The following EVI5 variants were observed in gnomAD, a reference collection of about 807,000 sequenced individuals.
The protein encoded by EVI5 is ecotropic viral integration site 5 protein homolog.
A neutral mutation model predicts 112.0 loss-of-function variants in EVI5; 73 were observed. The ratio of observed to expected loss-of-function variants is 0.65; its 90% confidence interval spans 0.54 to 0.79. The LOEUF (loss-of-function observed/expected upper bound fraction) is 0.79, where lower values mean the gene tolerates loss of function less well. EVI5 is among the 30% of genes least tolerant of loss of function. The pLI, the probability that EVI5 is intolerant of heterozygous loss-of-function variation, is 0.00. For synonymous variants in EVI5, 305 were observed against 319.9 expected, an observed-to-expected ratio of 0.95 and a Z score of 0.50; for missense variants, 900 against 968.8, an observed-to-expected ratio of 0.93 and a Z score of 0.94.
chr1:92,675,872 C>A (rs1002521824), intron 10 of EVI5, among the ~76,000 whole-genome samples: 11 of 150,816 alleles, frequency 7.3e-5, no homozygotes, highest in African/African-American at 9.8e-5. Context: ...AGGAGAATGG[C>A]GTGCACCTGG....
At chr1:92,791,681 A>C (rs1044614674) in intron 1 of EVI5, among the ~76,000 whole-genome samples, 4 of 152,174 alleles carry the variant, frequency 2.6e-5, no homozygotes, top group African/African-American at 9.7e-5. Context: ...ATTTCGTGTG[A>C]AATTGTCTAA....
At chr1:92,569,582 G>A (rs983929508) in intron 18 of EVI5, among the ~76,000 whole-genome samples, 8 of 151,974 alleles carry the variant, frequency 5.3e-5, no homozygotes, top group East Asian at 3.9e-4. Flanking sequence ...TGGGCCAGGC[G>A]CGGTGGCTCA....
At chr1:92,540,734 C>T (rs1183148476) in intron 19 of EVI5, among the ~76,000 whole-genome samples, 1 of 152,036 alleles carries the variant, frequency 6.6e-6, no homozygotes, top group African/African-American at 2.4e-5. Context: ...AATGTCATAT[C>T]TAAGACAATG....
At chr1:92,735,637 GTC>G (rs1238982740) in intron 2 of EVI5, among the ~76,000 whole-genome samples, 2 of 16,422 alleles carry the variant, frequency 1.2e-4, no homozygotes, top group Non-Finnish European at 2.4e-4. Context: ...TATGATATAT[GTC>G]ATATATATAT....
intron 18 of EVI5, among the ~76,000 whole-genome samples, chr1:92,588,909 C>T (rs1311805779): frequency 2.0e-5 from 3 of 151,896 alleles, no homozygotes; most frequent in Non-Finnish European, 4.4e-5. Flanking sequence ...GCTAGTATGC[C>T]GATATTGGAA....
intron 13 of EVI5, among the ~76,000 whole-genome samples, chr1:92,658,783 G>C: frequency 6.6e-6 from 1 of 151,806 alleles, no homozygotes; most frequent in Middle Eastern, 3.2e-3. Flanking sequence ...AGCAATCCTA[G>C]GTAGAAAGAA....
At chr1:92,674,828 A>C (rs1666456940) in intron 10 of EVI5, among the ~76,000 whole-genome samples, 1 of 152,198 alleles carries the variant, frequency 6.6e-6, no homozygotes, top group Non-Finnish European at 1.5e-5. Flanking sequence ...AAATGGTATA[A>C]GAAAGAACTA....
intron 18 of EVI5, among the ~76,000 whole-genome samples, chr1:92,583,949 G>A (rs1041360676): frequency 1.7e-4 from 26 of 152,150 alleles, no homozygotes; most frequent in African/African-American, 6.0e-4. Context: ...ATCTCTCTCT[G>A]TTCTTTTTCA....
At chr1:92,547,128 T>A (rs564728784) in intron 19 of EVI5, among the ~76,000 whole-genome samples, 1 of 152,078 alleles carries the variant, frequency 6.6e-6, no homozygotes, top group Non-Finnish European at 1.5e-5. Context: ...TGTAAAAGAA[T>A]AGAAATTATA....
chr1:92,699,048 C>A (rs1670729895), intron 5 of EVI5, among the ~76,000 whole-genome samples: 1 of 152,192 alleles, frequency 6.6e-6, no homozygotes, highest in African/African-American at 2.4e-5. Context: ...CCCAAAGGAT[C>A]TCCAGGCCTT....
At chr1:92,704,093 T>C (rs1671618601) in intron 3 of EVI5, among the ~76,000 whole-genome samples, 1 of 152,008 alleles carries the variant, frequency 6.6e-6, no homozygotes, top group Non-Finnish European at 1.5e-5. Context: ...GAAGACTGCT[T>C]GAGGCCAGGA....
intron 18 of EVI5, among the ~76,000 whole-genome samples, chr1:92,600,664 C>A (rs1648963286): frequency 6.6e-6 from 1 of 152,172 alleles, no homozygotes; most frequent in South Asian, 2.1e-4. Context: ...GTGCAACCAA[C>A]ACCCCTGACA....
chr1:92,702,060 TA>T, intron 5 of EVI5, 80 bp downstream of exon 5: 1 of 692,598 alleles, frequency 1.4e-6, no homozygotes, highest in Non-Finnish European at 2.4e-6. Flanking sequence ...TTACATTTAA[TA>T]AAACAAAGAT....
At chr1:92,553,081 A>G (rs1332735336) in intron 19 of EVI5, among the ~76,000 whole-genome samples, 1 of 152,042 alleles carries the variant, frequency 6.6e-6, no homozygotes, top group South Asian at 2.1e-4. Flanking sequence ...TAAAACTGAA[A>G]AGTGGTCTGA....
chr1:92,600,727 G>A (rs140543912), intron 18 of EVI5, among the ~76,000 whole-genome samples: 11 of 152,314 alleles, frequency 7.2e-5, no homozygotes, highest in African/African-American at 2.6e-4. Context: ...TGATGCCACT[G>A]ATCTGACAGG....
chr1:92,630,252 C>T (rs1026965343), intron 14 of EVI5, among the ~76,000 whole-genome samples: 5 of 152,166 alleles, frequency 3.3e-5, no homozygotes, highest in African/African-American at 4.8e-5. Context: ...CACTGACTTC[C>T]ACAATGGTTG....
At chr1:92,603,420 A>G (rs1042274672) in intron 18 of EVI5, among the ~76,000 whole-genome samples, 1 of 152,218 alleles carries the variant, frequency 6.6e-6, no homozygotes, top group Non-Finnish European at 1.5e-5. Context: ...ATTATTCACA[A>G]TAGCTCAAAC....
Position 92,664,485 on chromosome 1 carries a change from T to A in EVI5, c.1213-1033A>T, listed in dbSNP as rs1411338068. On this transcript the variant is annotated intron_variant, in intron 11 of 19. Transcript: ENST00000684568. The stretch of plus-strand genomic sequence containing the variant: ...GTTTAAATGTCTTACTCCAAAGATT[T>A]AAAAAAAAAAAAAAACTAAGAAGAT... Among the ~76,000 whole-genome samples the A allele has an allele frequency of 9.5e-3, 1,368 of 143,972 alleles. 5 individuals carry two copies. Among genetic ancestry groups the A allele is most frequent in the Middle Eastern group, 0.025 (7 of 280 alleles). The allele number at this position is 143,972 out of a possible 152,430, so 94.5% of individuals were successfully genotyped here. A position where few individuals can be genotyped will look rare whatever the true frequency, so the allele number is the denominator to read the frequency against.
intron 10 of EVI5, among the ~76,000 whole-genome samples, chr1:92,666,273 G>A (rs1421301851): frequency 2.0e-5 from 3 of 151,732 alleles, no homozygotes; most frequent in Non-Finnish European, 2.9e-5. Context: ...GCGAAACCTC[G>A]TCTCTATGAA....
Sources: allele counts gnomAD v4.1 joint callset (sites outside exome capture counted in the v4.1 genomes callset), GRCh38; gene constraint gnomAD v4.1.1; transcripts MANE v1.5; gene names NCBI Gene and HGNC (gene_info 2026-07-23, HGNC 2026-07-21).